Variants in PCGF2 observed in about 807,000 individuals in gnomAD.
PCGF2 encodes polycomb group RING finger protein 2.
PCGF2 carries 8 observed loss-of-function variants against 36.1 expected under a neutral mutation model. That is an observed-to-expected ratio of 0.22 (90% CI 0.13 to 0.40). The LOEUF is 0.40. PCGF2 is among the 10% of genes least tolerant of loss of function. The probability of loss-of-function intolerance (pLI) is 1.00; values close to 1 mark genes in which losing one functional copy is unlikely to be tolerated. For synonymous variants in PCGF2, 198 were observed against 191.2 expected (o/e 1.04, Z -0.29); for missense variants, 436 against 475.9 (o/e 0.92, Z 0.78).
At chr17:38,741,158 C>T (rs1227488730) in intron 2 of PCGF2, among the ~76,000 whole-genome samples, 1 of 151,306 alleles carries the variant, frequency 6.6e-6, no homozygotes, top group East Asian at 2.0e-4. Context: ...GAGGCTGTGG[C>T]AGGAGGATCC....
chr17:38,740,414 C>CG lies in PCGF2; in HGVS notation c.-13dup, dbSNP rs1555540226. The stretch of plus-strand genomic sequence containing the variant: ...GTAGTCCGATGCATGATTCCGGGGT[C>CG]GGGGGTGGGGGGACTGGGGAGCGTT... On this transcript the variant is annotated 5_prime_UTR_variant, in exon 3 of 11. Transcript: ENST00000620225. 2 of 1,213,674 alleles carry CG rather than the reference C, an allele frequency of 1.6e-6. No individual in the cohort carries two copies. Among genetic ancestry groups the CG allele is most frequent in the South Asian group, 2.1e-5 (1 of 47,516 alleles). The allele number at this position is 1,213,674 out of a possible 1,614,324, so 75.2% of individuals were successfully genotyped here. A position where few individuals can be genotyped will look rare whatever the true frequency, so the allele number is the denominator to read the frequency against.
At chr17:38,742,951 G>T (rs1014707188) in intron 2 of PCGF2, among the ~76,000 whole-genome samples, 1 of 152,136 alleles carries the variant, frequency 6.6e-6, no homozygotes, top group Non-Finnish European at 1.5e-5. Context: ...GGGGTAAATC[G>T]CATGCCCTCA....
At position 38,735,553 on chromosome 17, in the gene PCGF2, C is replaced by T. The variant is rs1488266689; in HGVS notation, c.705G>A (p.Arg235=). ...LKYRVQPACK[R]LTLATVPTPS... is the part of the protein sequence containing the mutation. ...GGGTGGGCACCGTGGCTAGGGTGAG[C>T]CGCTTGCAGGCTGGCTGGACACGGT... The change falls in exon 11 of 11, where the codon CGG becomes CGA. Residue 235 remains arginine, a synonymous_variant. Transcript: ENST00000620225. 4 of 1,585,136 alleles carry T rather than the reference C, an allele frequency of 2.5e-6. No homozygotes were observed. Among genetic ancestry groups the T allele is most frequent in the Non-Finnish European group, 2.6e-6 (3 of 1,165,028 alleles).
At chr17:38,743,895 CA>C (rs1300505545) in intron 2 of PCGF2, among the ~76,000 whole-genome samples, 4 of 152,088 alleles carry the variant, frequency 2.6e-5, no homozygotes, top group African/African-American at 9.7e-5. Context: ...ACTGGAAATC[CA>C]GCTGTCATTA....
At position 38,736,168 on chromosome 17, in the gene PCGF2, C is replaced by T; in HGVS notation, c.579G>A (p.Val193=). 4 of 1,568,736 alleles carry T rather than the reference C, an allele frequency of 2.5e-6. No homozygotes were observed. The highest frequency in any genetic ancestry group is 3.5e-6 in the Non-Finnish European group (4 of 1,156,116). Residue 193 remains valine, a splice_region_variant and synonymous_variant, in exon 10 of 11, where the codon GTG becomes GTA. Transcript: ENST00000620225. ...NKMDVPSKYK[V]EVLYEDEPLK... ...GTGGCTCGTCCTCGTACAGAACCTC[C>T]ACCTGGGGGAGGGAAGCGGAGGACA...
intron 2 of PCGF2, among the ~76,000 whole-genome samples, chr17:38,747,300 G>C (rs1157067241): frequency 6.6e-6 from 1 of 152,108 alleles, no homozygotes; most frequent in African/African-American, 2.4e-5. Context: ...GAGGGCGTGC[G>C]CAGGGTGGGG....
chr17:38,738,942 C>T (rs779455889), intron 6 of PCGF2, 81 bp from the exon 7 acceptor site: 42 of 1,530,048 alleles, frequency 2.7e-5, no homozygotes, highest in East Asian at 1.8e-4. Flanking sequence ...TGAACTCAGC[C>T]AGGTGAGCCC....
intron 2 of PCGF2, among the ~76,000 whole-genome samples, 155 bp downstream of exon 2, chr17:38,747,724 G>T (rs1167640215): frequency 1.3e-5 from 2 of 152,152 alleles, no homozygotes; most frequent in Non-Finnish European, 2.9e-5. Context: ...CGTCCACGGC[G>T]CCCCTGTGCC....
At chr17:38,749,402 G>A (rs1322923917), upstream of PCGF2, 4 of 300,878 alleles carry the variant, frequency 1.3e-5, no homozygotes, top group African/African-American at 8.7e-5. The surrounding 1 kb of genome is among the most constrained non-coding windows in gnomAD (Gnocchi z 6.5). Context: ...CCGGCAGGAG[G>A]GAGAGAACGA....
chr17:38,749,733 G>C (rs1420066237), upstream of PCGF2: 1 of 455,420 alleles, frequency 2.2e-6, no homozygotes, highest in African/African-American at 2.0e-5. The surrounding 1 kb of genome is among the most constrained non-coding windows in gnomAD (Gnocchi z 6.5). Context: ...GGGGGCCTCG[G>C]GTGAATGCTT....
intron 2 of PCGF2, among the ~76,000 whole-genome samples, chr17:38,746,292 C>T (rs1474386804): frequency 6.6e-6 from 1 of 151,714 alleles, no homozygotes; most frequent in African/African-American, 2.4e-5. Flanking sequence ...CACACAAGGC[C>T]AGATAGACAC....
chr17:38,738,244 C>T (rs1906912730), intron 9 of PCGF2, 109 bp downstream of exon 9: 11 of 915,294 alleles, frequency 1.2e-5, no homozygotes, highest in Non-Finnish European at 1.7e-5. Context: ...CAGTTAACCG[C>T]GCAAGCCCTG....
chr17:38,737,804 C>T (rs560693243), intron 9 of PCGF2, among the ~76,000 whole-genome samples: 40 of 147,456 alleles, frequency 2.7e-4, no homozygotes, highest in African/African-American at 3.8e-4. Flanking sequence ...CCCAGCTACT[C>T]GGGAGGCTGA....
intron 2 of PCGF2, chr17:38,746,480 C>A (rs549588141): frequency 1.3e-5 from 2 of 152,414 alleles, no homozygotes; most frequent in East Asian, 1.9e-4. Flanking sequence ...TTTGTACGAC[C>A]CTGGTCCACC....
Position 38,739,210 on chromosome 17 carries a change from C to T in PCGF2, c.253G>A (p.Gly85Arg). 6.2e-7 allele frequency: 1 copy of T among 1,614,144 alleles called. No individual in the cohort carries two copies. Among genetic ancestry groups the T allele is most frequent in the South Asian group, 1.1e-5 (1 of 91,080 alleles). Residue 85 changes from glycine (G) to arginine (R), a missense_variant, in exon 5 of 11, where the codon GGG becomes AGG. Coordinates refer to ENST00000620225, the MANE Select transcript of PCGF2 (RefSeq NM_007144.3). The surrounding 1 kb of genome is among the most constrained non-coding windows in gnomAD (Gnocchi z 4.0). ...GGAGTGCAGATACCTTTAAAAAGCC[C>T]AGGGACCAATTTGTAGACAATGTCT... is the stretch of plus-strand genomic sequence containing the variant. The part of the protein sequence containing the change: ...LQDIVYKLVP[G>R]LFKDEMKRRR...
rs200143494 is a variant in PCGF2, at chr17:38,735,555, G to A, written c.703C>T (p.Arg235Trp). The part of the protein sequence containing the change: ...LKYRVQPACK[R>W]LTLATVPTPS... ...GTGGGCACCGTGGCTAGGGTGAGCCGCTTGCAGGCTGGCTGGACACGGTAC... is the reference window on the plus strand; with the variant it reads ...GTGGGCACCGTGGCTAGGGTGAGCCACTTGCAGGCTGGCTGGACACGGTAC... The change falls in exon 11 of 11, where the codon CGG (arginine) becomes TGG (tryptophan). Residue 235 changes from arginine (R) to tryptophan (W), a missense_variant. By Grantham distance (101) the Arg-to-Trp change is moderately radical. Around this residue, in one of 3 missense-constraint regions of PCGF2, gnomAD observed 227 missense variants for 212.9 expected, o/e 1.07. Transcript: ENST00000620225. 1.8e-5 allele frequency: 28 copies of A among 1,584,984 alleles called. No homozygotes were observed. Among genetic ancestry groups the A allele is most frequent in the Admixed American group, 5.3e-5 (3 of 56,320 alleles).
chr17:38,739,475 C>A lies in PCGF2; in HGVS notation c.209+111G>T. On this transcript the variant is annotated intron_variant, in intron 4 of 10. Coordinates refer to ENST00000620225, the MANE Select transcript of PCGF2 (RefSeq NM_007144.3). The surrounding 1 kb of genome is among the most constrained non-coding windows in gnomAD (Gnocchi z 4.0). Reference sequence around the variant, plus strand: ...CGGGGAGTAGCCCAGGTCCACACCCCATGCTTCTCCTACACCTGCCGCCTT... The same window carrying A: ...CGGGGAGTAGCCCAGGTCCACACCCAATGCTTCTCCTACACCTGCCGCCTT... The A allele has an allele frequency of 1.0e-6, 1 of 975,352 alleles. No individual in the cohort carries two copies. Among genetic ancestry groups the A allele is most frequent in the Non-Finnish European group, 1.7e-6 (1 of 605,474 alleles). 60.4% of individuals were successfully genotyped at this position (975,352 alleles called of 1,614,324 possible).
chr17:38,738,266 G>A, intron 9 of PCGF2, 87 bp downstream of exon 9: 1 of 1,151,634 alleles, frequency 8.7e-7, no homozygotes, highest in South Asian at 1.3e-5. Context: ...GTGACACCTA[G>A]CCAGCTCTGA....
At position 38,740,387 on chromosome 17, in the gene PCGF2, G is replaced by T. The variant is rs749819496; in HGVS notation, c.16C>A (p.Arg6=). ...GGGTTCAGCTCTGTGATTTTGATCC[G>T]TGTAGTCCGATGCATGATTCCGGGG... MHRTT[R]IKITELNPHL... The change falls in exon 3 of 11, where the codon CGG becomes AGG. Residue 6 remains arginine, a synonymous_variant. Coordinates refer to ENST00000620225, the MANE Select transcript of PCGF2 (RefSeq NM_007144.3). 3.3e-6 allele frequency: 5 copies of T among 1,524,172 alleles called. No homozygotes were observed. Among genetic ancestry groups the T allele is most frequent in the Non-Finnish European group, 4.5e-6 (5 of 1,109,618 alleles). The allele number at this position is 1,524,172 out of a possible 1,614,324, so 94.4% of individuals were successfully genotyped here.
Sources: allele counts gnomAD v4.1 joint callset (sites outside exome capture counted in the v4.1 genomes callset), GRCh38; gene constraint gnomAD v4.1.1; regional missense constraint gnomAD v4.1.1; non-coding constraint Gnocchi (gnomAD v3.1); transcripts MANE v1.5; gene names NCBI Gene and HGNC (gene_info 2026-07-23, HGNC 2026-07-21).